The following TRRAP variants were observed in gnomAD, a reference collection of about 807,000 sequenced individuals.
The protein encoded by TRRAP is transformation/transcription domain-associated protein.
TRRAP carries 41 observed loss-of-function variants against 438.8 expected under a neutral mutation model. The observed-to-expected ratio is 0.09, with a 90% CI of 0.07 to 0.12. TRRAP has a LOEUF of 0.12. TRRAP is among the 10% of genes least tolerant of loss of function. The pLI is 1.00. For synonymous variants in TRRAP, 1,994 were observed against 1,962.9 expected, an observed-to-expected ratio of 1.02 and a Z score of -0.42; for missense variants, 3,122 against 5,055.1, an observed-to-expected ratio of 0.62 and a Z score of 11.60.
Position 98,948,486 on chromosome 7 carries a change from C to T in TRRAP, c.4669-80C>T. Reference sequence around the variant, plus strand: ...TGTGGGTGTTCATGCACTCCAGTAACAAGGGACCTTGTTAGGTAGACAGCC... The same window carrying T: ...TGTGGGTGTTCATGCACTCCAGTAATAAGGGACCTTGTTAGGTAGACAGCC... On this transcript the variant is annotated intron_variant, in intron 34 of 72. Transcript: ENST00000456197. This position sits in a 1 kb window ranked among gnomAD's most constrained non-coding sequence, Gnocchi z 4.9. The T allele has an allele frequency of 6.2e-7, 1 of 1,612,758 alleles. No homozygotes were observed. Among genetic ancestry groups the T allele is most frequent in the Non-Finnish European group, 8.5e-7 (1 of 1,179,678 alleles).
At chr7:99,000,565 C>T (rs1013383968) in intron 67 of TRRAP, among the ~76,000 whole-genome samples, 2 of 152,276 alleles carry the variant, frequency 1.3e-5, no homozygotes, top group Non-Finnish European at 2.9e-5. Flanking sequence ...TTGGGGCCAG[C>T]CCTGGTCTGG....
In TRRAP at chr7:98,953,347, G is replaced by T; in HGVS notation, c.5644G>T (p.Val1882Leu). The T allele has an allele frequency of 6.2e-7, 1 of 1,613,908 alleles. No individual in the cohort carries two copies. ...AWPCLLSKAC[V>L]DPACKYSGHL... Reference sequence around the variant, plus strand: ...GCCCTGCCTGCTCTCCAAGGCCTGCGTGGACCCAGCCTGCAAGTACAGCGG... The same window carrying T: ...GCCCTGCCTGCTCTCCAAGGCCTGCTTGGACCCAGCCTGCAAGTACAGCGG... The change falls in exon 40 of 73, where the codon GTG becomes TTG. Residue 1882 changes from valine to leucine, a missense_variant. Val to Leu is a conservative substitution (Grantham distance 32, BLOSUM62 1). Around this residue, in one of 24 missense-constraint regions of TRRAP, gnomAD observed 22 missense variants for 28.8 expected, o/e 0.76. Coordinates refer to ENST00000456197, the MANE Select transcript of TRRAP (RefSeq NM_001375524.1).
intron 41 of TRRAP, 139 bp downstream of exon 41, chr7:98,955,443 G>A: frequency 1.2e-6 from 1 of 858,754 alleles, no homozygotes; most frequent in Non-Finnish European, 1.8e-6. Flanking sequence ...ATTAGTTTGT[G>A]TATGTGTGTA....
At chr7:98,901,259 C>T (rs1202916843) in intron 11 of TRRAP, among the ~76,000 whole-genome samples, 1 of 152,254 alleles carries the variant, frequency 6.6e-6, no homozygotes, top group Non-Finnish European at 1.5e-5. Flanking sequence ...TGTGTCCTCA[C>T]AATGGCGAAC....
At chr7:98,879,024 C>T (rs1343815170) in intron 1 of TRRAP, among the ~76,000 whole-genome samples, 5 of 151,882 alleles carry the variant, frequency 3.3e-5, no homozygotes, top group Non-Finnish European at 7.4e-5. Context: ...GCCAACCTGG[C>T]ACCTCCGGGC....
Position 98,948,391 on chromosome 7 carries a change from A to G in TRRAP, c.4668+51A>G. The G allele has an allele frequency of 1.9e-6, 3 of 1,613,164 alleles. No individual in the cohort carries two copies. The highest frequency in any genetic ancestry group is 2.5e-6 in the Non-Finnish European group (3 of 1,179,592). Reference sequence around the variant, plus strand: ...CTCGCTCTGCCACCCTCCGGTGCTTATAGCGTCCTCACTTGATCGTATTTT... The same window carrying G: ...CTCGCTCTGCCACCCTCCGGTGCTTGTAGCGTCCTCACTTGATCGTATTTT... On this transcript the variant is annotated intron_variant, in intron 34 of 72. Transcript: ENST00000456197. This position sits in a 1 kb window ranked among gnomAD's most constrained non-coding sequence, Gnocchi z 4.9.
At chr7:98,980,000 T>C (rs898878468) in intron 58 of TRRAP, among the ~76,000 whole-genome samples, 8 of 152,168 alleles carry the variant, frequency 5.3e-5, no homozygotes, top group African/African-American at 1.9e-4. Flanking sequence ...AGGGTAGGTG[T>C]TGTAATTGGC....
chr7:98,929,031 G>A (rs1459090536), intron 23 of TRRAP, among the ~76,000 whole-genome samples: 4 of 151,242 alleles, frequency 2.6e-5, no homozygotes, highest in South Asian at 4.2e-4. Context: ...TCTGCCTCCC[G>A]GGTTGAAGTG....
At chr7:99,010,641 G>A (rs1794387486) in intron 70 of TRRAP, among the ~76,000 whole-genome samples, 1 of 152,218 alleles carries the variant, frequency 6.6e-6, no homozygotes, top group East Asian at 1.9e-4. Flanking sequence ...AGCTCCTTCA[G>A]TTTGTGAAAC....
chr7:99,010,703 CTGTTG>C (rs1794389790), intron 70 of TRRAP, among the ~76,000 whole-genome samples: 2 of 152,288 alleles, frequency 1.3e-5, no homozygotes, highest in African/African-American at 2.4e-5. Flanking sequence ...TGTTGTCCAG[CTGTTG>C]TGTTCTGTTA....
chr7:98,895,433 G>A (rs565001291), intron 6 of TRRAP, among the ~76,000 whole-genome samples: 183 of 152,234 alleles, frequency 1.2e-3, no homozygotes, highest in Admixed American at 3.1e-3. Context: ...AGTGGTTTAC[G>A]GCCCCACAGT....
At chr7:98,966,099 G>A (rs532363931) in intron 49 of TRRAP, among the ~76,000 whole-genome samples, 1 of 152,264 alleles carries the variant, frequency 6.6e-6, no homozygotes, top group Admixed American at 6.5e-5. Context: ...AAGGTCAGGA[G>A]ATTGAGACCG....
rs1455981030 is a variant in TRRAP, at chr7:98,967,711, G to A, written c.7512+13G>A. The A allele has an allele frequency of 6.8e-6, 11 of 1,608,722 alleles. No homozygotes were observed. The highest frequency in any genetic ancestry group is 1.3e-5 in the African/African-American group (1 of 74,794). ...GCAGTGCATTGAGGTAGGAAGACTCGGCTCACATCTGTGGCCGGGGGCAGC... is the reference window on the plus strand; with the variant it reads ...GCAGTGCATTGAGGTAGGAAGACTCAGCTCACATCTGTGGCCGGGGGCAGC... On this transcript the variant is annotated intron_variant, in intron 51 of 72. Transcript: ENST00000456197.
At chr7:98,895,657 C>G in intron 6 of TRRAP, 107 bp from the exon 7 acceptor site, 9 of 892,362 alleles carry the variant, frequency 1.0e-5, no homozygotes, top group South Asian at 4.4e-5. Flanking sequence ...TTCCTTACCT[C>G]TCTTATGAGT....
rs878875331 is a variant in TRRAP at position 99,012,607 on chromosome 7, T to TC, written c.*253dup. On this transcript the variant is annotated 3_prime_UTR_variant, in exon 73 of 73. Coordinates refer to ENST00000456197, the MANE Select transcript of TRRAP (RefSeq NM_001375524.1). The surrounding 1 kb of genome is among the most constrained non-coding windows in gnomAD (Gnocchi z 5.9). ...AACTTATTCCAAGCTTTCAAAATAA[T>TC]CTTTTAAGAAGCCAGGATTCTCCGG... The TC allele has an allele frequency of 3.8e-5, 20 of 522,116 alleles. No homozygotes were observed. In the South Asian group the frequency reaches 5.9e-4, roughly 15 times the overall value. 32.3% of individuals were successfully genotyped at this position (522,116 alleles called of 1,614,324 possible).
chr7:98,929,875 T>G, intron 23 of TRRAP, 114 bp from the exon 24 acceptor site: 133 of 1,122,692 alleles, frequency 1.2e-4, no homozygotes, highest in Non-Finnish European at 1.6e-4. Flanking sequence ...ATTACGGGTG[T>G]GAGCCGCCGT....
At chr7:98,990,365 C>G in intron 63 of TRRAP, 90 bp from the exon 64 acceptor site, 1 of 1,438,258 alleles carries the variant, frequency 7.0e-7, no homozygotes, top group Non-Finnish European at 9.5e-7. Flanking sequence ...TAAAGCCGCT[C>G]TATACAGTGT....
At chr7:98,934,649 C>G (rs1790479224) in intron 27 of TRRAP, among the ~76,000 whole-genome samples, 1 of 152,192 alleles carries the variant, frequency 6.6e-6, no homozygotes, top group Admixed American at 6.5e-5. Context: ...CTTGGAGATT[C>G]AGGTTCAGTC....
chr7:98,999,717 A>G, intron 67 of TRRAP: 1 of 747,290 alleles, frequency 1.3e-6, no homozygotes, highest in South Asian at 1.6e-5. Context: ...GCACAAGTGG[A>G]GGGAGAAAGC....
Sources: allele counts gnomAD v4.1 joint callset (sites outside exome capture counted in the v4.1 genomes callset), GRCh38; gene constraint gnomAD v4.1.1; regional missense constraint gnomAD v4.1.1; non-coding constraint Gnocchi (gnomAD v3.1); transcripts MANE v1.5; gene names NCBI Gene and HGNC (gene_info 2026-07-23, HGNC 2026-07-21).